ROCK1: variants seen among roughly 807,000 people sequenced by gnomAD.
ROCK1 encodes the protein Rho associated coiled-coil containing protein kinase 1.
Under a neutral mutation model 196.8 loss-of-function variants are expected in ROCK1, and 36 were observed. That is an observed-to-expected ratio of 0.18 (90% CI 0.14 to 0.24). The LOEUF is 0.24. Ranked by LOEUF, ROCK1 falls within the 10% of genes least tolerant of loss-of-function variation. The pLI, the probability that ROCK1 is intolerant of heterozygous loss-of-function variation, is 1.00. For missense variants in ROCK1, 920 were observed against 1,562.0 expected (o/e 0.59, Z 6.93); for synonymous variants, 443 against 515.9 (o/e 0.86, Z 1.91).
intron 13 of ROCK1, among the ~76,000 whole-genome samples, chr18:21,011,084 C>A (rs1186944999): frequency 2.0e-5 from 3 of 152,184 alleles, no homozygotes; most frequent in Admixed American, 6.5e-5. Context: ...GAGTTTCTGA[C>A]AGATATATAA....
intron 2 of ROCK1, among the ~76,000 whole-genome samples, chr18:21,064,391 A>G (rs1354107528): frequency 1.3e-5 from 2 of 152,214 alleles, no homozygotes; most frequent in African/African-American, 4.8e-5. Context: ...AGATCTGTGT[A>G]TCATTACATT....
At chr18:21,058,851 T>C (rs1486399136) in intron 2 of ROCK1, among the ~76,000 whole-genome samples, 2 of 152,118 alleles carry the variant, frequency 1.3e-5, no homozygotes, top group Non-Finnish European at 2.9e-5. Flanking sequence ...AGTGCTGAGA[T>C]TACAGATGTG....
intron 2 of ROCK1, among the ~76,000 whole-genome samples, chr18:21,058,052 ATGT>A (rs1433220582): frequency 6.6e-6 from 1 of 152,174 alleles, no homozygotes; most frequent in East Asian, 1.9e-4. Context: ...TCAGCATATA[ATGT>A]TGTGCAAAGA....
intron 2 of ROCK1, among the ~76,000 whole-genome samples, chr18:21,066,652 A>T (rs2036337377): frequency 6.6e-6 from 1 of 152,224 alleles, no homozygotes; most frequent in Non-Finnish European, 1.5e-5. Flanking sequence ...AAAGTTTTGC[A>T]TTTCCAGCAT....
chr18:21,049,592 T>C (rs2036188348), intron 3 of ROCK1, among the ~76,000 whole-genome samples, 188 bp downstream of exon 3: 3 of 152,244 alleles, frequency 2.0e-5, no homozygotes, highest in Admixed American at 6.5e-5. Context: ...CCACAGATAC[T>C]TGGGGAAAAC....
chr18:21,107,648 A>G (rs993564726), intron 1 of ROCK1, among the ~76,000 whole-genome samples: 3 of 152,232 alleles, frequency 2.0e-5, no homozygotes, highest in African/African-American at 7.2e-5. Context: ...CCTGAATGAC[A>G]CAATGAATGA....
chr18:20,998,597 C>CTTTTTT (rs541265477), intron 16 of ROCK1, among the ~76,000 whole-genome samples: 25 of 97,322 alleles, frequency 2.6e-4, no homozygotes, highest in African/African-American at 3.4e-4. Context: ...TTTTACCAAA[C>CTTTTTT]TTTTTTTTTT....
chr18:20,955,314 G>A (rs1156386936), intron 29 of ROCK1, 69 bp from the exon 30 acceptor site: 1 of 1,272,462 alleles, frequency 7.9e-7, no homozygotes, highest in Non-Finnish European at 1.1e-6. Context: ...CACTAAAGAG[G>A]ACATATGGGT....
At chr18:21,098,965 T>TC (rs1434743525) in intron 1 of ROCK1, among the ~76,000 whole-genome samples, 6 of 152,144 alleles carry the variant, frequency 3.9e-5, no homozygotes, top group African/African-American at 1.4e-4. Flanking sequence ...CAACAGACAA[T>TC]CCCATATCAT....
At chr18:21,000,690 T>C (rs2035716304) in intron 16 of ROCK1, among the ~76,000 whole-genome samples, 1 of 151,814 alleles carries the variant, frequency 6.6e-6, no homozygotes, top group Non-Finnish European at 1.5e-5. Flanking sequence ...ACAATGAAAA[T>C]CAAAACAAAC....
chr18:20,971,429 G>A (rs1239833222), intron 22 of ROCK1, among the ~76,000 whole-genome samples: 5 of 150,982 alleles, frequency 3.3e-5, no homozygotes, highest in African/African-American at 9.7e-5. Flanking sequence ...TATGCATCAC[G>A]CTGTTCTAGG....
At chr18:21,034,634 T>C (rs536511460) in intron 9 of ROCK1, among the ~76,000 whole-genome samples, 1 of 152,160 alleles carries the variant, frequency 6.6e-6, no homozygotes, top group Non-Finnish European at 1.5e-5. Context: ...ATACACTATA[T>C]AAAAATTAAT....
chr18:21,090,126 C>T (rs781671670), intron 1 of ROCK1, among the ~76,000 whole-genome samples: 10 of 152,180 alleles, frequency 6.6e-5, no homozygotes, highest in African/African-American at 2.4e-4. Flanking sequence ...GATTTTATAA[C>T]ATCATGCATT....
chr18:20,968,084 T>C (rs2035390871), intron 25 of ROCK1, 144 bp from the exon 26 acceptor site: 6 of 758,086 alleles, frequency 7.9e-6, no homozygotes, highest in Non-Finnish European at 1.2e-5. Context: ...ACATGATAAC[T>C]GGTAGCACAA....
intron 17 of ROCK1, 73 bp from the exon 18 acceptor site, chr18:20,991,399 T>C: frequency 3.0e-6 from 3 of 1,012,006 alleles, no homozygotes; most frequent in Non-Finnish European, 4.2e-6. Context: ...TTACATTTAA[T>C]ATTCTGGAAG....
intron 5 of ROCK1, 41 bp downstream of exon 5, chr18:21,045,251 C>T (rs1405470685): frequency 6.7e-7 from 1 of 1,499,162 alleles, no homozygotes; most frequent in African/African-American, 1.4e-5. Context: ...TTAGCTATTT[C>T]CCTCAACAAA....
intron 2 of ROCK1, among the ~76,000 whole-genome samples, chr18:21,069,074 T>C (rs2036361652): frequency 6.6e-6 from 1 of 152,152 alleles, no homozygotes; most frequent in African/African-American, 2.4e-5. Flanking sequence ...AACAAGTAGA[T>C]ACAATCTAAA....
intron 2 of ROCK1, among the ~76,000 whole-genome samples, chr18:21,060,814 G>A (rs2036282268): frequency 6.8e-6 from 1 of 147,680 alleles, no homozygotes; most frequent in African/African-American, 2.5e-5. Context: ...ACTCCAGCCT[G>A]GGCGAGAAGA....
At chr18:21,037,632 A>G (rs1598538414) in intron 9 of ROCK1, among the ~76,000 whole-genome samples, 2 of 152,190 alleles carry the variant, frequency 1.3e-5, no homozygotes, top group African/African-American at 2.4e-5. Context: ...GAATTAGGAA[A>G]AACTACCAAA....
Sources: gnomAD v4.1 joint callset for allele counts (sites outside exome capture counted in the v4.1 genomes callset) on GRCh38, gnomAD v4.1.1 for gene constraint, MANE v1.5 for transcripts, NCBI Gene and HGNC (gene_info 2026-07-23, HGNC 2026-07-21) for gene names.